MALRD1: variants seen among roughly 807,000 people sequenced by gnomAD.
MALRD1 encodes MAM and LDL-receptor class A domain-containing protein 1.
In MALRD1, 247 loss-of-function variants were observed where a neutral mutation model predicts 242.1. That is an observed-to-expected ratio of 1.02 (90% CI 0.92 to 1.13). The LOEUF is 1.13. MALRD1 is among the 50% of genes most tolerant of loss of function. The pLI, the probability that MALRD1 is intolerant of heterozygous loss-of-function variation, is 0.00. For synonymous variants in MALRD1, 995 were observed against 866.6 expected, an observed-to-expected ratio of 1.15 and a Z score of -2.60; for missense variants, 2,989 against 2,533.1, an observed-to-expected ratio of 1.18 and a Z score of -3.86.
intron 18 of MALRD1, among the ~76,000 whole-genome samples, chr10:19,250,747 T>C (rs2131782950): frequency 6.6e-6 from 1 of 151,934 alleles, no homozygotes; most frequent in East Asian, 1.9e-4. Context: ...AGATGATGTG[T>C]GTGATGATAT....
At chr10:19,618,856 C>T (rs1346760800) in intron 36 of MALRD1, among the ~76,000 whole-genome samples, 1 of 152,008 alleles carries the variant, frequency 6.6e-6, no homozygotes, top group African/African-American at 2.4e-5. Context: ...CTGTCACTCT[C>T]CTTCACCCAT....
chr10:19,256,174 C>A (rs1350499453), intron 18 of MALRD1, among the ~76,000 whole-genome samples: 3 of 151,848 alleles, frequency 2.0e-5, no homozygotes, highest in African/African-American at 7.3e-5. Context: ...TTTATTTACC[C>A]TAGTTTCTTC....
intron 2 of MALRD1, among the ~76,000 whole-genome samples, chr10:19,081,302 G>C (rs1835483188): frequency 6.6e-6 from 1 of 152,056 alleles, no homozygotes; most frequent in Non-Finnish European, 1.5e-5. Flanking sequence ...CTATTATAAA[G>C]ACACATACAT....
chr10:19,405,974 A>G (rs1847083726), intron 28 of MALRD1, among the ~76,000 whole-genome samples: 1 of 152,160 alleles, frequency 6.6e-6, no homozygotes, highest in African/African-American at 2.4e-5. Context: ...ATGTGACAAA[A>G]GATCACTGGT....
At chr10:19,714,303 T>C (rs1834276745) in intron 38 of MALRD1, among the ~76,000 whole-genome samples, 1 of 152,084 alleles carries the variant, frequency 6.6e-6, no homozygotes, top group Admixed American at 6.5e-5. Context: ...TCCTCCGGAG[T>C]AGGGCTGCCC....
intron 36 of MALRD1, among the ~76,000 whole-genome samples, chr10:19,644,693 A>G (rs944428832): frequency 2.0e-5 from 3 of 152,236 alleles, no homozygotes; most frequent in African/African-American, 4.8e-5. Flanking sequence ...TTTTAATATT[A>G]TGAGTCAGGC....
intron 32 of MALRD1, among the ~76,000 whole-genome samples, chr10:19,554,811 C>T (rs1030086966): frequency 2.6e-5 from 4 of 152,016 alleles, no homozygotes; most frequent in South Asian, 4.1e-4. Context: ...CTACCATTGA[C>T]GGGCATTTGG....
chr10:19,120,921 T>G (rs1257402786), intron 5 of MALRD1, among the ~76,000 whole-genome samples: 1 of 152,160 alleles, frequency 6.6e-6, no homozygotes, highest in African/African-American at 2.4e-5. Context: ...TTTTTGTATT[T>G]TTAGTAGATA....
At chr10:19,134,803 A>G (rs1342813377) in intron 9 of MALRD1, among the ~76,000 whole-genome samples, 1 of 152,212 alleles carries the variant, frequency 6.6e-6, no homozygotes, top group East Asian at 1.9e-4. Flanking sequence ...AATGTAAAGA[A>G]AATGAATTTG....
At chr10:19,354,015 C>T (rs1844516282) in intron 26 of MALRD1, among the ~76,000 whole-genome samples, 1 of 151,802 alleles carries the variant, frequency 6.6e-6, no homozygotes, top group South Asian at 2.1e-4. Flanking sequence ...GCATGAGCCA[C>T]ATGCCCGACT....
chr10:19,429,156 T>C (rs1392495029), intron 28 of MALRD1, among the ~76,000 whole-genome samples: 1 of 152,194 alleles, frequency 6.6e-6, no homozygotes, highest in Non-Finnish European at 1.5e-5. Context: ...GGACTGTAAA[T>C]ATGTATTACT....
chr10:19,551,022 T>C (rs916493770), intron 32 of MALRD1, among the ~76,000 whole-genome samples: 15 of 152,332 alleles, frequency 9.8e-5, no homozygotes, highest in Non-Finnish European at 2.2e-4. Flanking sequence ...TGGTGTGAGA[T>C]GATATCTCAT....
intron 32 of MALRD1, among the ~76,000 whole-genome samples, chr10:19,549,561 A>G (rs1024067693): frequency 3.3e-5 from 5 of 152,210 alleles, no homozygotes; most frequent in African/African-American, 1.2e-4. Context: ...TAGCAATAAT[A>G]TATTTTTAAG....
intron 29 of MALRD1, among the ~76,000 whole-genome samples, chr10:19,477,457 G>GAAAT (rs60939811): frequency 0.041 from 6,096 of 150,068 alleles, 147 homozygotes; most frequent in Non-Finnish European, 0.057. Context: ...AGAGTAGTTG[G>GAAAT]AAATAAATAA....
intron 19 of MALRD1, among the ~76,000 whole-genome samples, chr10:19,259,139 T>C (rs371924942): frequency 1.3e-5 from 2 of 152,156 alleles, no homozygotes; most frequent in South Asian, 2.1e-4. Context: ...GGTCATTCTA[T>C]TGTCAGAATC....
intron 36 of MALRD1, among the ~76,000 whole-genome samples, chr10:19,634,217 T>C (rs1840030981): frequency 6.6e-6 from 1 of 152,102 alleles, no homozygotes; most frequent in Non-Finnish European, 1.5e-5. Flanking sequence ...ATTCCTCTCA[T>C]TTCCTGCTGC....
intron 33 of MALRD1, among the ~76,000 whole-genome samples, chr10:19,570,132 C>T (rs1447890404): frequency 6.6e-6 from 1 of 151,922 alleles, no homozygotes; most frequent in Non-Finnish European, 1.5e-5. Context: ...TGGTATTAAA[C>T]CTTGAACTTT....
At chr10:19,259,124 G>A (rs1002065298) in intron 19 of MALRD1, among the ~76,000 whole-genome samples, 5 of 152,004 alleles carry the variant, frequency 3.3e-5, no homozygotes, top group African/African-American at 1.2e-4. Context: ...ACTTAGATAA[G>A]GTTAGGTCAT....
chr10:19,393,189 T>C (rs535040676), intron 28 of MALRD1, among the ~76,000 whole-genome samples: 1 of 152,286 alleles, frequency 6.6e-6, no homozygotes, highest in East Asian at 1.9e-4. Context: ...TTTATAATAG[T>C]TCATTTTTAA....
Sources: allele counts gnomAD v4.1 joint callset (sites outside exome capture counted in the v4.1 genomes callset), GRCh38; gene constraint gnomAD v4.1.1; transcripts MANE v1.5; gene names NCBI Gene and HGNC (gene_info 2026-07-23, HGNC 2026-07-21).